Variants in DLGAP2 observed in about 807,000 individuals in gnomAD.
The protein encoded by DLGAP2 is DLG associated protein 2.
DLGAP2 carries 26 observed loss-of-function variants against 100.3 expected under a neutral mutation model. The ratio of observed to expected loss-of-function variants is 0.26; its 90% CI spans 0.19 to 0.36. The LOEUF is 0.36. DLGAP2 is among the 10% of genes least tolerant of loss of function. DLGAP2 has a pLI of 1.00. For missense variants in DLGAP2, 1,858 were observed against 1,453.2 expected, an observed-to-expected ratio of 1.28 and a Z score of -4.53; for synonymous variants, 886 against 630.1, an observed-to-expected ratio of 1.41 and a Z score of -6.08.
At chr8:1,098,582 C>T (rs1437031538) in intron 2 of DLGAP2, among the ~76,000 whole-genome samples, 1 of 149,502 alleles carries the variant, frequency 6.7e-6, no homozygotes, top group East Asian at 2.0e-4. Context: ...ACAGACGCCG[C>T]GACCCACACC....
intron 3 of DLGAP2, among the ~76,000 whole-genome samples, chr8:1,476,958 A>C (rs1798949822): frequency 2.0e-5 from 3 of 151,870 alleles, no homozygotes; most frequent in Non-Finnish European, 4.4e-5. Context: ...CTGCCAAGTC[A>C]GACGGACATT....
At chr8:820,324 G>A (rs976665947) in intron 1 of DLGAP2, among the ~76,000 whole-genome samples, 1 of 152,194 alleles carries the variant, frequency 6.6e-6, no homozygotes, top group African/African-American at 2.4e-5. Flanking sequence ...CAGAAACAGT[G>A]AAGGAAGGAA....
intron 14 of DLGAP2, among the ~76,000 whole-genome samples, chr8:1,698,894 T>C (rs980838954): frequency 2.8e-5 from 4 of 141,022 alleles, no homozygotes; most frequent in African/African-American, 8.1e-5. Context: ...TGCATGGGAC[T>C]AGACAGGTCC....
intron 2 of DLGAP2, among the ~76,000 whole-genome samples, chr8:1,228,117 T>C (rs187459018): frequency 2.0e-5 from 3 of 152,190 alleles, no homozygotes; most frequent in East Asian, 3.9e-4. Context: ...CTAGGAGATA[T>C]ACCTAATGTA....
chr8:1,319,733 G>A (rs1046482625), intron 3 of DLGAP2, among the ~76,000 whole-genome samples: 6 of 152,172 alleles, frequency 3.9e-5, no homozygotes, highest in African/African-American at 1.4e-4. Flanking sequence ...GAAGAGGCAG[G>A]ACATCAGCAG....
chr8:1,575,320 C>G lies in DLGAP2; in HGVS notation c.1442+9426C>G, dbSNP rs534992903. Among the ~76,000 whole-genome samples, 14 of 152,052 alleles carry G rather than the reference C, an allele frequency of 9.2e-5. No individual in the cohort carries two copies. The South Asian group carries it at 2.3e-3, about 25-fold the overall frequency. On this transcript the variant is annotated intron_variant, in intron 6 of 14. Transcript: ENST00000637795. Reference sequence around the variant, plus strand: ...ACAGAAAAACAAACACCGCAAATCCCCACCTAAATACAGGACCTAAAACAA... The same window carrying G: ...ACAGAAAAACAAACACCGCAAATCCGCACCTAAATACAGGACCTAAAACAA...
intron 3 of DLGAP2, among the ~76,000 whole-genome samples, chr8:1,324,232 C>T (rs541484850): frequency 1.3e-5 from 2 of 152,260 alleles, no homozygotes; most frequent in Admixed American, 1.3e-4. Context: ...ACTGTCTCTG[C>T]CCCCATAAGA....
rs1250008150 is a variant in DLGAP2 at position 1,630,440 on chromosome 8, C to T, written c.1591-2387C>T. The stretch of plus-strand genomic sequence containing the variant: ...GCCCTTGGCCAGTCGCGGTGGCTCA[C>T]GCCTGTAATCCCAGCACTTTGGGAG... On this transcript the variant is annotated intron_variant, in intron 7 of 14. Transcript: ENST00000637795. Among the ~76,000 whole-genome samples the T allele has an allele frequency of 2.0e-5, 3 of 152,082 alleles. No homozygotes were observed. The South Asian group carries it at 6.2e-4, about 32-fold the overall frequency.
intron 2 of DLGAP2, among the ~76,000 whole-genome samples, chr8:1,088,563 T>G (rs978820052): frequency 6.6e-6 from 1 of 152,166 alleles, no homozygotes; most frequent in Non-Finnish European, 1.5e-5. Flanking sequence ...CATCAGAGAT[T>G]GTAGGAAATT....
At chr8:1,456,855 CA>C (rs1798330751) in intron 3 of DLGAP2, among the ~76,000 whole-genome samples, 1 of 152,260 alleles carries the variant, frequency 6.6e-6, no homozygotes, top group Non-Finnish European at 1.5e-5. Context: ...GCAGGCTGTG[CA>C]CTGGTGAAAT....
In DLGAP2 at chr8:1,314,469, C is replaced by G. The variant is rs151197657; in HGVS notation, c.106+55586C>G. Among the ~76,000 whole-genome samples the G allele has an allele frequency of 3.7e-3, 562 of 152,326 alleles. 3 individuals carry two copies. Among genetic ancestry groups the G allele is most frequent in the Non-Finnish European group, 6.1e-3 (415 of 68,026 alleles). ...CACTCTAGAGCTGTCTGTGCTGTAA[C>G]AAAAGCATTTTGGGATTTCTCCATC... On this transcript the variant is annotated intron_variant, in intron 3 of 14. Coordinates refer to ENST00000637795, the MANE Select transcript of DLGAP2 (RefSeq NM_001346810.2).
intron 1 of DLGAP2, among the ~76,000 whole-genome samples, chr8:812,002 G>A (rs76511322): frequency 0.13 from 19,253 of 152,250 alleles, 1,405 homozygotes; most frequent in East Asian, 0.25. Flanking sequence ...AAGGACATGG[G>A]GTGGTGAGGC....
intron 3 of DLGAP2, among the ~76,000 whole-genome samples, chr8:1,381,780 C>T (rs1048386412): frequency 6.0e-5 from 6 of 99,948 alleles, no homozygotes; most frequent in Non-Finnish European, 8.5e-5. Context: ...GAGGGTTATT[C>T]TAGTGTGTGT....
intron 2 of DLGAP2, among the ~76,000 whole-genome samples, chr8:1,256,184 G>T (rs1422670140): frequency 8.3e-5 from 11 of 132,296 alleles, no homozygotes; most frequent in African/African-American, 2.9e-4. Flanking sequence ...TCCTGCCTGG[G>T]TGCTGTGTGT....
intron 3 of DLGAP2, among the ~76,000 whole-genome samples, chr8:1,425,594 A>C (rs1246712675): frequency 6.6e-6 from 1 of 152,188 alleles, no homozygotes; most frequent in African/African-American, 2.4e-5. Context: ...ACCTCTCCAG[A>C]TCCCGGACAG....
rs117835733 is a variant in DLGAP2 at position 1,192,409 on chromosome 8, G to A, written c.74-66442G>A. ...CAGATGGATCACCTCACTTTTTTGC[G>A]GTGAGAACAATGAAATCCACTGTCA... On this transcript the variant is annotated intron_variant, in intron 2 of 14. Coordinates refer to ENST00000637795, the MANE Select transcript of DLGAP2 (RefSeq NM_001346810.2). 6.2e-3 allele frequency among the ~76,000 whole-genome samples: 940 copies of A among 152,198 alleles called. 11 individuals carry two copies. Among genetic ancestry groups the A allele is most frequent in the South Asian group, 0.048 (231 of 4,808 alleles).
intron 1 of DLGAP2, among the ~76,000 whole-genome samples, chr8:811,447 A>T (rs375444170): frequency 6.9e-6 from 1 of 143,922 alleles, no homozygotes; most frequent in East Asian, 2.1e-4. Context: ...TGAAGCTCCC[A>T]TCAACCTTGG....
chr8:1,190,854 C>T (rs1244989093), intron 2 of DLGAP2, among the ~76,000 whole-genome samples: 2 of 152,106 alleles, frequency 1.3e-5, no homozygotes, highest in East Asian at 1.9e-4. Context: ...TCCAGGCGCA[C>T]GCAGCAGCAA....
At chr8:1,580,039 C>T (rs776030848) in intron 6 of DLGAP2, among the ~76,000 whole-genome samples, 1 of 152,224 alleles carries the variant, frequency 6.6e-6, no homozygotes, top group South Asian at 2.1e-4. Context: ...CATTTCCCAG[C>T]ACTGATACCA....
Sources: allele counts gnomAD v4.1 joint callset (sites outside exome capture counted in the v4.1 genomes callset), GRCh38; gene constraint gnomAD v4.1.1; transcripts MANE v1.5; gene names NCBI Gene and HGNC (gene_info 2026-07-23, HGNC 2026-07-21).